The following NELL1 variants were observed in gnomAD, a reference collection of about 807,000 sequenced individuals.
NELL1 encodes neural EGFL like 1, also known as protein kinase C-binding protein NELL1.
Under a neutral mutation model 107.4 loss-of-function variants are expected in NELL1, and 76 were observed. The ratio of observed to expected loss-of-function variants is 0.71; its 90% confidence interval spans 0.59 to 0.86. The LOEUF (loss-of-function observed/expected upper bound fraction) is 0.86, where lower values mean the gene tolerates loss of function less well. Ranked by LOEUF, NELL1 falls within the 40% of genes least tolerant of loss-of-function variation. The pLI is 0.00. For synonymous variants in NELL1, 353 were observed against 341.2 expected, an observed-to-expected ratio of 1.03 and a Z score of -0.38; for missense variants, 1,024 against 1,005.5, an observed-to-expected ratio of 1.02 and a Z score of -0.25.
At chr11:20,869,882 C>G (rs72937239) in intron 4 of NELL1, among the ~76,000 whole-genome samples, 19,727 of 152,072 alleles carry the variant, frequency 0.13, 1,601 homozygotes, top group African/African-American at 0.22. Flanking sequence ...TTAGGATGCT[C>G]TAGTTGTAAG....
chr11:21,021,008 T>G (rs1273926227), intron 12 of NELL1, among the ~76,000 whole-genome samples: 2 of 89,566 alleles, frequency 2.2e-5, no homozygotes, highest in African/African-American at 6.6e-5. Context: ...AGAAAGAAAC[T>G]TAGAACACAC....
At chr11:21,130,314 C>T (rs1215562434) in intron 13 of NELL1, among the ~76,000 whole-genome samples, 2 of 152,012 alleles carry the variant, frequency 1.3e-5, no homozygotes, top group Non-Finnish European at 2.9e-5. Flanking sequence ...TGGCTGTCTT[C>T]CTAAGAGATG....
chr11:21,030,622 A>ATTTTTTTTTTTTTTTTTTT (rs201033870), intron 12 of NELL1, among the ~76,000 whole-genome samples: 1 of 120,124 alleles, frequency 8.3e-6, no homozygotes, highest in Non-Finnish European at 1.8e-5. Context: ...ATTTTCTTGT[A>ATTTTTTTTTTTTTTTTTTT]TTTTTTTTTT....
At chr11:21,131,372 G>A (rs545731289) in intron 13 of NELL1, among the ~76,000 whole-genome samples, 16 of 152,216 alleles carry the variant, frequency 1.1e-4, no homozygotes, top group African/African-American at 3.6e-4. Flanking sequence ...AAGGAAATGC[G>A]GTAGAGAGGA....
chr11:21,343,921 C>T (rs1850630044), intron 14 of NELL1, among the ~76,000 whole-genome samples: 1 of 152,108 alleles, frequency 6.6e-6, no homozygotes, highest in South Asian at 2.1e-4. Context: ...GTACTATGCC[C>T]TCCAAATCAT....
chr11:20,805,828 C>T (rs998138608), intron 3 of NELL1, among the ~76,000 whole-genome samples: 4 of 152,226 alleles, frequency 2.6e-5, no homozygotes, highest in African/African-American at 7.2e-5. Flanking sequence ...CTGATCACAA[C>T]TTAACACCGA....
chr11:21,301,995 C>T (rs1194453188), intron 14 of NELL1, among the ~76,000 whole-genome samples: 1 of 151,998 alleles, frequency 6.6e-6, no homozygotes, highest in Non-Finnish European at 1.5e-5. Flanking sequence ...TGGCAAGTGG[C>T]AGAGGCAGTA....
intron 14 of NELL1, among the ~76,000 whole-genome samples, chr11:21,328,425 A>G (rs1850194965): frequency 6.6e-6 from 1 of 152,156 alleles, no homozygotes; most frequent in Admixed American, 6.6e-5. Context: ...GGATGTATGG[A>G]AACACCTGGA....
At chr11:20,772,964 C>G (rs1856669171) in intron 2 of NELL1, among the ~76,000 whole-genome samples, 1 of 152,234 alleles carries the variant, frequency 6.6e-6, no homozygotes, top group Non-Finnish European at 1.5e-5. Flanking sequence ...AGCTTGACAT[C>G]TAGCAAAAAT....
At chr11:20,929,506 GAGA>G (rs1850572400) in intron 9 of NELL1, among the ~76,000 whole-genome samples, 1 of 151,748 alleles carries the variant, frequency 6.6e-6, no homozygotes, top group Non-Finnish European at 1.5e-5. Flanking sequence ...TTGCTCTAAA[GAGA>G]AGAACTTTCT....
chr11:20,872,296 T>C (rs1195102184), intron 4 of NELL1, among the ~76,000 whole-genome samples: 1 of 150,308 alleles, frequency 6.7e-6, no homozygotes, highest in Non-Finnish European at 1.5e-5. Flanking sequence ...CGCTCCCACC[T>C]CAGCCTCCTG....
chr11:21,340,594 T>A (rs1327398732), intron 14 of NELL1, among the ~76,000 whole-genome samples: 1 of 143,952 alleles, frequency 6.9e-6, no homozygotes, highest in Non-Finnish European at 1.5e-5. Flanking sequence ...TAGGGTAGGG[T>A]GGGCACCTAA....
rs148310764 is a variant in NELL1 at position 21,530,593 on chromosome 11, T to C, written c.1646-3781T>C. Among the ~76,000 whole-genome samples the C allele has an allele frequency of 1.2e-4, 18 of 152,200 alleles. No individual in the cohort carries two copies. The East Asian group carries it at 3.5e-3, about 29-fold the overall frequency. On this transcript the variant is annotated intron_variant, in intron 15 of 19. Coordinates refer to ENST00000357134, the MANE Select transcript of NELL1 (RefSeq NM_006157.5). ...ATAGAAATTGTTATAATTATTATAA[T>C]TATAATCATGATTAAAATTACTCCT...
At chr11:21,250,708 A>T (rs1462135630) in intron 14 of NELL1, among the ~76,000 whole-genome samples, 1 of 152,220 alleles carries the variant, frequency 6.6e-6, no homozygotes, top group Admixed American at 6.5e-5. Flanking sequence ...CTATTCCTTG[A>T]CATTGCAGAT....
chr11:21,271,749 G>A (rs1002414951), intron 14 of NELL1, among the ~76,000 whole-genome samples: 3 of 152,102 alleles, frequency 2.0e-5, no homozygotes, highest in East Asian at 3.9e-4. Context: ...AATTGACTCC[G>A]ACAGTTATTT....
chr11:20,756,052 C>A (rs1465727253), intron 2 of NELL1, among the ~76,000 whole-genome samples: 1 of 151,576 alleles, frequency 6.6e-6, no homozygotes, highest in Non-Finnish European at 1.5e-5. Flanking sequence ...GCCACCACAC[C>A]CGGCTAATTT....
chr11:21,443,003 TG>T (rs1394485923), intron 15 of NELL1, among the ~76,000 whole-genome samples: 1 of 145,326 alleles, frequency 6.9e-6, no homozygotes. Context: ...TTCCATGTTT[TG>T]CTGCTATAAC....
intron 16 of NELL1, among the ~76,000 whole-genome samples, chr11:21,557,892 A>G (rs12099339): frequency 2.6e-4 from 40 of 152,128 alleles, no homozygotes; most frequent in African/African-American, 9.6e-4. Context: ...ATTCTGTTAT[A>G]CTCAGCACTG....
In NELL1 at chr11:21,430,173, A is replaced by G. The variant is rs1397030207; in HGVS notation, c.1645+59225A>G. Among the ~76,000 whole-genome samples, 9 of 152,320 alleles carry G rather than the reference A, an allele frequency of 5.9e-5. No individual in the cohort carries two copies. In the East Asian group the frequency reaches 1.5e-3, roughly 26 times the overall value. On this transcript the variant is annotated intron_variant, in intron 15 of 19. Transcript: ENST00000357134. Reference sequence around the variant, plus strand: ...TTGCAAATAAATGTAACACCTGTCTAGCTACTCTGTCTGTTAATCTGACAA... The same window carrying G: ...TTGCAAATAAATGTAACACCTGTCTGGCTACTCTGTCTGTTAATCTGACAA...
Sources: allele counts gnomAD v4.1 joint callset (sites outside exome capture counted in the v4.1 genomes callset), GRCh38; gene constraint gnomAD v4.1.1; transcripts MANE v1.5; gene names NCBI Gene and HGNC (gene_info 2026-07-23, HGNC 2026-07-21).